ANTXR1: variants seen among roughly 807,000 people sequenced by gnomAD.
ANTXR1 encodes the protein ANTXR cell adhesion molecule 1.
Under a neutral mutation model 78.1 loss-of-function variants are expected in ANTXR1, and 19 were observed. That is an observed-to-expected ratio of 0.24 (90% confidence interval 0.17 to 0.36). The LOEUF (loss-of-function observed/expected upper bound fraction) is 0.36, where lower values mean the gene tolerates loss of function less well. Among genes scored for constraint, ANTXR1 ranks in the 10% least tolerant of loss-of-function variants. ANTXR1 has a pLI of 1.00. For synonymous variants in ANTXR1, 273 were observed against 260.5 expected (o/e 1.05, Z -0.46); for missense variants, 518 against 718.6 (o/e 0.72, Z 3.19).
intron 4 of ANTXR1, among the ~76,000 whole-genome samples, 162 bp downstream of exon 4, chr2:69,070,890 C>A (rs1477707565): frequency 6.6e-6 from 1 of 152,142 alleles, no homozygotes; most frequent in Non-Finnish European, 1.5e-5. Context: ...ACCACTCTAG[C>A]CAAAAGAACT....
At chr2:69,155,851 G>C (rs1558606397) in intron 13 of ANTXR1, among the ~76,000 whole-genome samples, 2 of 152,162 alleles carry the variant, frequency 1.3e-5, no homozygotes, top group Non-Finnish European at 2.9e-5. Flanking sequence ...TCAGCAGGTA[G>C]CAAGACACTG....
chr2:69,101,707 T>C (rs1290800331), intron 9 of ANTXR1, among the ~76,000 whole-genome samples: 1 of 152,214 alleles, frequency 6.6e-6, no homozygotes, highest in Non-Finnish European at 1.5e-5. Flanking sequence ...AGTCTACATT[T>C]AGATGGCAAT....
chr2:69,117,950 T>C (rs1035952684), intron 10 of ANTXR1, among the ~76,000 whole-genome samples: 2 of 152,192 alleles, frequency 1.3e-5, no homozygotes, highest in Admixed American at 6.5e-5. Context: ...CACTCTGAGA[T>C]AATGATACTC....
intron 13 of ANTXR1, among the ~76,000 whole-genome samples, chr2:69,153,365 C>T (rs115302512): frequency 8.5e-4 from 129 of 151,670 alleles, no homozygotes; most frequent in African/African-American, 2.9e-3. Context: ...CTTCGGATGA[C>T]ATGTTAAAGA....
At chr2:69,162,493 A>G (rs1373916692) in intron 13 of ANTXR1, among the ~76,000 whole-genome samples, 1 of 152,226 alleles carries the variant, frequency 6.6e-6, no homozygotes, top group African/African-American at 2.4e-5. Flanking sequence ...GGGATCTGCA[A>G]GAGGAAACCT....
At chr2:69,221,637 C>G (rs753041213) in intron 17 of ANTXR1, among the ~76,000 whole-genome samples, 3 of 149,696 alleles carry the variant, frequency 2.0e-5, no homozygotes, top group Non-Finnish European at 4.4e-5. Context: ...GAGAGAGACT[C>G]TCAGTGAGTC....
rs368258426 is a variant in ANTXR1, at chr2:69,182,342, CCA to C, written c.1186-148_1186-147del. 127 of 923,438 alleles carry C rather than the reference CCA, an allele frequency of 1.4e-4. 1 individual carries two copies. In the East Asian group the frequency reaches 2.3e-3, roughly 17 times the overall value. The allele number at this position is 923,438 out of a possible 1,614,324, so 57.2% of individuals were successfully genotyped here. A position where few individuals can be genotyped will look rare whatever the true frequency, so the allele number is the denominator to read the frequency against. On this transcript the variant is annotated intron_variant, in intron 15 of 17. Coordinates refer to ENST00000303714, the MANE Select transcript of ANTXR1 (RefSeq NM_032208.3). Reference sequence around the variant, plus strand: ...TTTGGTCCTCCCCTTTTCTCTTTTTCCACAGTTTCCCTCTTCCCTGGCCCTCA... The same window carrying C: ...TTTGGTCCTCCCCTTTTCTCTTTTTCCAGTTTCCCTCTTCCCTGGCCCTCA...
At chr2:69,095,612 C>T (rs1033430098) in intron 9 of ANTXR1, among the ~76,000 whole-genome samples, 6 of 152,162 alleles carry the variant, frequency 3.9e-5, no homozygotes, top group Non-Finnish European at 5.9e-5. Context: ...AGGAGACCAC[C>T]ATGGAGGGGT....
At chr2:69,108,611 T>C (rs553117785) in intron 10 of ANTXR1, among the ~76,000 whole-genome samples, 2 of 152,262 alleles carry the variant, frequency 1.3e-5, no homozygotes, top group African/African-American at 2.4e-5. Flanking sequence ...TGATCTTCTC[T>C]CTCCTCTCAC....
intron 12 of ANTXR1, among the ~76,000 whole-genome samples, chr2:69,125,657 A>G (rs887497638): frequency 2.0e-5 from 3 of 152,186 alleles, no homozygotes; most frequent in Middle Eastern, 3.2e-3. Flanking sequence ...CCTGGGCAAC[A>G]TGGTGAAACC....
intron 8 of ANTXR1, among the ~76,000 whole-genome samples, chr2:69,086,600 G>A (rs1334165271): frequency 6.6e-6 from 1 of 152,222 alleles, no homozygotes; most frequent in African/African-American, 2.4e-5. Flanking sequence ...ATTAACCTTG[G>A]TTCAGCTTTT....
Position 69,102,867 on chromosome 2 carries a change from A to C in ANTXR1, c.729A>C (p.Gly243=). Residue 243 remains glycine, a synonymous_variant, in exon 10 of 18, where the codon GGA becomes GGC. Coordinates refer to ENST00000303714, the MANE Select transcript of ANTXR1 (RefSeq NM_032208.3). ...AGTCATTTCAAGTTGTCGTGAGAGG[A>C]AACGGCTTCCGACATGCCCGCAACG... ...AGESFQVVVR[G]NGFRHARNVD... 1 of 1,614,158 alleles carries C rather than the reference A, an allele frequency of 6.2e-7. No homozygotes were observed. Among genetic ancestry groups the C allele is most frequent in the Non-Finnish European group, 8.5e-7 (1 of 1,180,018 alleles).
chr2:69,097,513 A>G (rs1045980173), intron 9 of ANTXR1, among the ~76,000 whole-genome samples: 10 of 152,176 alleles, frequency 6.6e-5, no homozygotes, highest in Non-Finnish European at 1.3e-4. Context: ...CTCACTTTTC[A>G]TTGTTTTTCG....
At chr2:69,164,933 TG>T (rs1673786259) in intron 13 of ANTXR1, among the ~76,000 whole-genome samples, 1 of 152,224 alleles carries the variant, frequency 6.6e-6, no homozygotes, top group South Asian at 2.1e-4. Flanking sequence ...AGAACACTCA[TG>T]GGAATGTCTG....
intron 13 of ANTXR1, among the ~76,000 whole-genome samples, chr2:69,163,696 C>T (rs141400795): frequency 5.3e-5 from 8 of 152,310 alleles, no homozygotes; most frequent in African/African-American, 1.9e-4. Flanking sequence ...CATTCAGGAG[C>T]GCCATACATG....
At chr2:69,090,143 C>T (rs940668572) in intron 8 of ANTXR1, among the ~76,000 whole-genome samples, 1 of 151,988 alleles carries the variant, frequency 6.6e-6, no homozygotes, top group South Asian at 2.1e-4. Flanking sequence ...TTGAAGCTCA[C>T]ATTTTCCAGA....
At chr2:69,062,816 T>A (rs1670286338) in intron 3 of ANTXR1, among the ~76,000 whole-genome samples, 1 of 152,054 alleles carries the variant, frequency 6.6e-6, no homozygotes, top group Admixed American at 6.6e-5. Flanking sequence ...TATAAATAGG[T>A]TAAATAATTT....
chr2:69,186,801 T>G (rs1343738076), intron 16 of ANTXR1, among the ~76,000 whole-genome samples: 1 of 152,246 alleles, frequency 6.6e-6, no homozygotes, highest in East Asian at 1.9e-4. Context: ...CCTCTTGCCC[T>G]GCAAATCCTT....
chr2:69,085,212 G>A (rs1671014167), intron 8 of ANTXR1, among the ~76,000 whole-genome samples: 1 of 152,108 alleles, frequency 6.6e-6, no homozygotes, highest in South Asian at 2.1e-4. Context: ...AATAATGTTT[G>A]TGGCGCTTCT....
Sources: allele counts gnomAD v4.1 joint callset (sites outside exome capture counted in the v4.1 genomes callset), GRCh38; gene constraint gnomAD v4.1.1; transcripts MANE v1.5; gene names NCBI Gene and HGNC (gene_info 2026-07-23, HGNC 2026-07-21).